MYO3A: variants seen among roughly 807,000 people sequenced by gnomAD.
MYO3A encodes the protein myosin IIIA.
In MYO3A, 180 loss-of-function variants were observed where a neutral mutation model predicts 192.7. The observed-to-expected ratio is 0.93, with a 90% CI of 0.83 to 1.06. The LOEUF (loss-of-function observed/expected upper bound fraction) is 1.06, where lower values mean the gene tolerates loss of function less well. Ranked by LOEUF, MYO3A falls within the 50% of genes least tolerant of loss-of-function variation. The pLI, the probability that MYO3A is intolerant of heterozygous loss-of-function variation, is 0.00. For synonymous variants in MYO3A, 628 were observed against 645.3 expected (o/e 0.97, Z 0.41); for missense variants, 1,896 against 1,905.0 (o/e 1.00, Z 0.09).
At chr10:26,066,808 G>A (rs970649573) in intron 10 of MYO3A, among the ~76,000 whole-genome samples, 167 bp from the exon 11 acceptor site, 4 of 152,188 alleles carry the variant, frequency 2.6e-5, no homozygotes, top group Non-Finnish European at 4.4e-5. Flanking sequence ...CAATGGAAAG[G>A]AGTAAACAAA....
At chr10:25,965,956 T>TC (rs1838233501) in intron 4 of MYO3A, among the ~76,000 whole-genome samples, 3 of 148,532 alleles carry the variant, frequency 2.0e-5, no homozygotes, top group Admixed American at 2.0e-4. Flanking sequence ...ACTGTTTTTT[T>TC]TTTTCTCTCT....
chr10:26,067,147 T>C (rs1382905319), intron 11 of MYO3A, 73 bp downstream of exon 11: 4 of 966,492 alleles, frequency 4.1e-6, no homozygotes, highest in Non-Finnish European at 6.7e-6. Context: ...CGGGTATTGG[T>C]AGAAGGGGAA....
At chr10:25,992,016 T>G (rs1030321508) in intron 4 of MYO3A, among the ~76,000 whole-genome samples, 6 of 152,188 alleles carry the variant, frequency 3.9e-5, no homozygotes, top group African/African-American at 1.4e-4. Flanking sequence ...TGGTTCCATA[T>G]GAACTTTAAA....
chr10:26,057,083 G>A lies in MYO3A; in HGVS notation c.954-9892G>A, dbSNP rs16926544. Among the ~76,000 whole-genome samples the A allele has an allele frequency of 4.1e-3, 631 of 152,290 alleles. 2 individuals carry two copies. Among genetic ancestry groups the A allele is most frequent in the African/African-American group, 0.014 (598 of 41,566 alleles). The stretch of plus-strand genomic sequence containing the variant: ...TCTAAAGAGGGCAGTTGAATAGGAC[G>A]ATAAGAAGGTCATTTTACTTTCAAG... On this transcript the variant is annotated intron_variant, in intron 10 of 34. Transcript: ENST00000642920.
chr10:26,170,405 C>T lies in MYO3A; in HGVS notation c.3275-11C>T, dbSNP rs1302880068. The T allele has an allele frequency of 1.9e-6, 3 of 1,612,824 alleles. No individual in the cohort carries two copies. The highest frequency in any genetic ancestry group is 1.1e-5 in the South Asian group (1 of 90,964). Reference sequence around the variant, plus strand: ...TATAATTAACACTACTATGGGCTTTCTGTGTTTCAGCTGCAAGAGGACACC... The same window carrying T: ...TATAATTAACACTACTATGGGCTTTTTGTGTTTCAGCTGCAAGAGGACACC... On this transcript the variant is annotated splice_polypyrimidine_tract_variant and intron_variant, in intron 28 of 34. Coordinates refer to ENST00000642920, the MANE Select transcript of MYO3A (RefSeq NM_017433.5).
At chr10:26,105,999 A>G (rs1038360578) in intron 17 of MYO3A, among the ~76,000 whole-genome samples, 1 of 152,120 alleles carries the variant, frequency 6.6e-6, no homozygotes, top group Admixed American at 6.5e-5. Context: ...TTCTACTTCT[A>G]TACAGTATTC....
chr10:26,106,961 A>C (rs921775881), intron 17 of MYO3A, among the ~76,000 whole-genome samples: 66 of 152,088 alleles, frequency 4.3e-4, no homozygotes, highest in African/African-American at 1.5e-3. Context: ...TTGATTACTA[A>C]AGTTATGCCA....
At chr10:25,949,993 C>T (rs536191145) in intron 2 of MYO3A, among the ~76,000 whole-genome samples, 4 of 152,232 alleles carry the variant, frequency 2.6e-5, no homozygotes, top group Non-Finnish European at 5.9e-5. Flanking sequence ...CTACCATGTA[C>T]TAGGCATTGT....
chr10:26,135,966 C>CA (rs55885370), intron 20 of MYO3A, among the ~76,000 whole-genome samples: 11,734 of 100,118 alleles, frequency 0.12, 769 homozygotes, highest in Non-Finnish European at 0.14. Flanking sequence ...AACTCCATCT[C>CA]AAAAAAAAAA....
At chr10:26,079,844 G>T (rs986723186) in intron 14 of MYO3A, among the ~76,000 whole-genome samples, 2 of 152,096 alleles carry the variant, frequency 1.3e-5, no homozygotes, top group African/African-American at 4.8e-5. Context: ...CTGAAGATAG[G>T]GTCCCAATTC....
chr10:26,080,788 T>C (rs1353039241), intron 14 of MYO3A, among the ~76,000 whole-genome samples: 1 of 152,186 alleles, frequency 6.6e-6, no homozygotes, highest in Non-Finnish European at 1.5e-5. Flanking sequence ...GGATGTGGCT[T>C]CCTGTGAGCT....
chr10:25,988,742 A>T (rs1486343066), intron 4 of MYO3A, among the ~76,000 whole-genome samples: 1 of 151,754 alleles, frequency 6.6e-6, no homozygotes, highest in Non-Finnish European at 1.5e-5. Flanking sequence ...ACTCAGCATT[A>T]AAAAAAAGGA....
intron 6 of MYO3A, among the ~76,000 whole-genome samples, chr10:26,015,565 A>C (rs1841943207): frequency 6.6e-6 from 1 of 152,210 alleles, no homozygotes; most frequent in Non-Finnish European, 1.5e-5. Context: ...TAAGTTTACT[A>C]ACCTGAAAAT....
At chr10:25,938,458 A>T (rs1588623391) in intron 2 of MYO3A, among the ~76,000 whole-genome samples, 1 of 152,262 alleles carries the variant, frequency 6.6e-6, no homozygotes, top group East Asian at 1.9e-4. Context: ...AAATAAGATG[A>T]TCTGATTTCT....
rs569703558 is a variant in MYO3A, at chr10:25,994,490, A to G, written c.304-2000A>G. On this transcript the variant is annotated intron_variant, in intron 4 of 34. Coordinates refer to ENST00000642920, the MANE Select transcript of MYO3A (RefSeq NM_017433.5). ...CCAATTTGCCAGTCTGTGTCTTTTA[A>G]TTGGAGCATTTAGTCCATTTACATT... Among the ~76,000 whole-genome samples the G allele has an allele frequency of 2.6e-5, 4 of 152,278 alleles. No homozygotes were observed. The South Asian group carries it at 8.3e-4, about 32-fold the overall frequency.
chr10:26,015,995 C>T (rs1397313003), intron 6 of MYO3A, among the ~76,000 whole-genome samples: 2 of 152,104 alleles, frequency 1.3e-5, no homozygotes, highest in Non-Finnish European at 1.5e-5. Flanking sequence ...AGTAAAAGCC[C>T]ATGATTTGGG....
At chr10:26,043,644 T>G (rs1487355950) in intron 10 of MYO3A, among the ~76,000 whole-genome samples, 1 of 152,196 alleles carries the variant, frequency 6.6e-6, no homozygotes, top group Non-Finnish European at 1.5e-5. Flanking sequence ...CAATGTTCAC[T>G]TAAGGCACAA....
At chr10:26,100,382 A>C (rs1190754247) in intron 17 of MYO3A, among the ~76,000 whole-genome samples, 1 of 151,948 alleles carries the variant, frequency 6.6e-6, no homozygotes, top group Non-Finnish European at 1.5e-5. Flanking sequence ...TTTTTTGAAG[A>C]GCTTTTTGTG....
chr10:26,065,945 G>T lies in MYO3A; in HGVS notation c.954-1030G>T, dbSNP rs1377810516. On this transcript the variant is annotated intron_variant, in intron 10 of 34. Coordinates refer to ENST00000642920, the MANE Select transcript of MYO3A (RefSeq NM_017433.5). ...ATCCTGGCTAACACGGTGAAACCCCGTCTCTACTAAAAATACAAAAATTAG... is the reference window on the plus strand; with the variant it reads ...ATCCTGGCTAACACGGTGAAACCCCTTCTCTACTAAAAATACAAAAATTAG... Among the ~76,000 whole-genome samples the T allele has an allele frequency of 2.7e-5, 2 of 72,820 alleles. 1 individual carries two copies. The highest frequency in any genetic ancestry group is 7.0e-5 in the Non-Finnish European group (2 of 28,408). 47.8% of individuals were successfully genotyped at this position (72,820 alleles called of 152,430 possible).
Sources: allele counts gnomAD v4.1 joint callset (sites outside exome capture counted in the v4.1 genomes callset), GRCh38; gene constraint gnomAD v4.1.1; transcripts MANE v1.5; gene names NCBI Gene and HGNC (gene_info 2026-07-23, HGNC 2026-07-21).